The following ABCB5 variants were observed in gnomAD, a reference collection of about 807,000 sequenced individuals.
ABCB5 encodes ATP binding cassette subfamily B member 5.
ABCB5 carries 155 observed loss-of-function variants against 144.2 expected under a neutral mutation model. That is an observed-to-expected ratio of 1.08 (90% confidence interval 0.94 to 1.23). The LOEUF is 1.23. Ranked by LOEUF, ABCB5 falls within the 50% of genes most tolerant of loss-of-function variation. The pLI is 0.00. For synonymous variants in ABCB5, 610 were observed against 528.6 expected, an observed-to-expected ratio of 1.15 and a Z score of -2.11; for missense variants, 1,830 against 1,520.8, an observed-to-expected ratio of 1.20 and a Z score of -3.38.
intron 20 of ABCB5, among the ~76,000 whole-genome samples, chr7:20,721,838 T>C (rs1210988093): frequency 2.0e-5 from 3 of 152,222 alleles, no homozygotes; most frequent in Admixed American, 2.0e-4. Flanking sequence ...TTGTAGTAAA[T>C]ACCTAAGCTA....
intron 16 of ABCB5, among the ~76,000 whole-genome samples, chr7:20,693,237 T>A (rs1786293835): frequency 6.6e-6 from 1 of 152,008 alleles, no homozygotes; most frequent in Admixed American, 6.6e-5. Context: ...AATAGTGGCA[T>A]GTTCCTGTAG....
chr7:20,668,558 C>T (rs1785308456), intron 14 of ABCB5, among the ~76,000 whole-genome samples: 1 of 151,746 alleles, frequency 6.6e-6, no homozygotes, highest in Non-Finnish European at 1.5e-5. Flanking sequence ...AGGAGCGTCT[C>T]CGCCCGGCAG....
intron 5 of ABCB5, among the ~76,000 whole-genome samples, chr7:20,640,988 C>T (rs180837761): frequency 6.6e-6 from 1 of 152,278 alleles, no homozygotes; most frequent in East Asian, 1.9e-4. Flanking sequence ...CCTGGGTGTT[C>T]TCAGCCAGTC....
chr7:20,655,956 A>T (rs952752498), intron 13 of ABCB5, among the ~76,000 whole-genome samples: 1 of 152,266 alleles, frequency 6.6e-6, no homozygotes, highest in Non-Finnish European at 1.5e-5. Flanking sequence ...ATAGATCAGT[A>T]CAATGGAACA....
At chr7:20,654,619 G>C (rs1257858569) in intron 13 of ABCB5, among the ~76,000 whole-genome samples, 1 of 152,084 alleles carries the variant, frequency 6.6e-6, no homozygotes, top group African/African-American at 2.4e-5. Context: ...AAACAAAACT[G>C]TAGCTCTTTC....
At chr7:20,704,111 T>C (rs1411032170) in intron 19 of ABCB5, among the ~76,000 whole-genome samples, 1 of 99,782 alleles carries the variant, frequency 1.0e-5, no homozygotes, top group Non-Finnish European at 1.9e-5. Context: ...GGTCTCACTC[T>C]GGCATCCGAG....
rs1189386299 is a variant in ABCB5, at chr7:20,711,822, T to C, written c.2421+7015T>C. Among the ~76,000 whole-genome samples, 7 of 53,214 alleles carry C rather than the reference T, an allele frequency of 1.3e-4. 2 individuals are homozygous for C. The highest frequency in any genetic ancestry group is 1.0e-3 in the African/African-American group (6 of 5,784). 34.9% of individuals were successfully genotyped at this position (53,214 alleles called of 152,430 possible). ...TTTCTTTCTTTCTTTCTTTCTTTCT[T>C]TCTTTCTTTCTTTCTTTCTTTCTTT... On this transcript the variant is annotated intron_variant, in intron 20 of 27. Coordinates refer to ENST00000404938, the MANE Select transcript of ABCB5 (RefSeq NM_001163941.2).
At chr7:20,676,333 A>G (rs1785608119) in intron 14 of ABCB5, among the ~76,000 whole-genome samples, 1 of 150,970 alleles carries the variant, frequency 6.6e-6, no homozygotes, top group African/African-American at 2.4e-5. Flanking sequence ...AATAGCCAAG[A>G]TATGGAAACA....
At chr7:20,683,012 G>A (rs933683920) in intron 15 of ABCB5, among the ~76,000 whole-genome samples, 6 of 152,018 alleles carry the variant, frequency 3.9e-5, no homozygotes, top group African/African-American at 1.4e-4. Flanking sequence ...TCCTTTTTTC[G>A]AAGGGCTCTT....
chr7:20,748,287 TCA>T (rs1414754511), intron 26 of ABCB5, among the ~76,000 whole-genome samples: 4 of 152,134 alleles, frequency 2.6e-5, no homozygotes, highest in Non-Finnish European at 4.4e-5. Context: ...ATGTTACAGC[TCA>T]CACGTAGGTT....
chr7:20,705,497 G>A (rs1189007497), intron 20 of ABCB5, among the ~76,000 whole-genome samples: 2 of 152,194 alleles, frequency 1.3e-5, no homozygotes, highest in Middle Eastern at 3.4e-3. Flanking sequence ...GAGAAAAGCA[G>A]CAGAAAACAA....
Position 20,632,113 on chromosome 7 carries a change from T to C in ABCB5, c.314T>C (p.Leu105Pro), listed in dbSNP as rs906897846. The change falls in exon 5 of 28, where the codon CTG becomes CCG. Residue 105 changes from leucine to proline, a missense_variant and splice_region_variant. By Grantham distance (98) the Leu-to-Pro change is moderately conservative. Coordinates refer to ENST00000404938, the MANE Select transcript of ABCB5 (RefSeq NM_001163941.2). ...SQEKLNEDMT[L>P]LTLYYVGIGV... Reference sequence around the variant, plus strand: ...GAGAAGCTGAATGAAGATATGACTCTGTAAGTCCAAATGAAACGTTAATAT... The same window carrying C: ...GAGAAGCTGAATGAAGATATGACTCCGTAAGTCCAAATGAAACGTTAATAT... The C allele has an allele frequency of 4.6e-6, 7 of 1,512,528 alleles. No individual in the cohort carries two copies. The highest frequency in any genetic ancestry group is 2.5e-5 in the East Asian group (1 of 40,368). 93.7% of individuals were successfully genotyped at this position (1,512,528 alleles called of 1,614,324 possible). A position where few individuals can be genotyped will look rare whatever the true frequency, so the allele number is the denominator to read the frequency against.
At chr7:20,733,575 G>C (rs1291603126) in intron 23 of ABCB5, among the ~76,000 whole-genome samples, 1 of 151,670 alleles carries the variant, frequency 6.6e-6, no homozygotes, top group Non-Finnish European at 1.5e-5. Context: ...CCAAGGGAAG[G>C]AAGAAATAGA....
At chr7:20,688,966 G>A (rs1210441711) in intron 16 of ABCB5, among the ~76,000 whole-genome samples, 1 of 151,680 alleles carries the variant, frequency 6.6e-6, no homozygotes, top group African/African-American at 2.4e-5. Context: ...AGGGTCTGTG[G>A]TGGGGTGGGG....
chr7:20,717,055 C>G (rs1781696525), intron 20 of ABCB5, among the ~76,000 whole-genome samples: 1 of 152,100 alleles, frequency 6.6e-6, no homozygotes, highest in African/African-American at 2.4e-5. Context: ...CCATCTGGAG[C>G]TTGAGATGAC....
chr7:20,618,333 A>C (rs566508509), intron 1 of ABCB5, among the ~76,000 whole-genome samples: 2 of 152,224 alleles, frequency 1.3e-5, no homozygotes, highest in Non-Finnish European at 2.9e-5. Flanking sequence ...TGTACTTACC[A>C]TAATACTTTC....
At chr7:20,666,878 A>C in intron 14 of ABCB5, 2 of 1,334,142 alleles carry the variant, frequency 1.5e-6, no homozygotes, top group Non-Finnish European at 1.9e-6. Context: ...TCTGGCTAAA[A>C]GACAGCATCA....
intron 16 of ABCB5, among the ~76,000 whole-genome samples, chr7:20,696,971 G>C (rs1039814116): frequency 1.8e-4 from 28 of 152,086 alleles, no homozygotes; most frequent in South Asian, 1.2e-3. Flanking sequence ...GTAATTTACT[G>C]GTGTCCTGGC....
chr7:20,683,852 T>C lies in ABCB5; in HGVS notation c.1870-1844T>C, dbSNP rs571624089. Among the ~76,000 whole-genome samples the C allele has an allele frequency of 2.6e-5, 4 of 152,360 alleles. No homozygotes were observed. The East Asian group carries it at 7.7e-4, about 29-fold the overall frequency. ...CGGTATCAAAATGTGTCAATTTTGA[T>C]AATTCGTGATTATCACAAATATCAC... On this transcript the variant is annotated intron_variant, in intron 15 of 27. Transcript: ENST00000404938.
Sources: gnomAD v4.1 joint callset for allele counts (sites outside exome capture counted in the v4.1 genomes callset) on GRCh38, gnomAD v4.1.1 for gene constraint, MANE v1.5 for transcripts, NCBI Gene and HGNC (gene_info 2026-07-23, HGNC 2026-07-21) for gene names.